The following ADGRB3 variants were observed in gnomAD, a reference collection of about 807,000 sequenced individuals.
ADGRB3 encodes brain-specific angiogenesis inhibitor 3.
Under a neutral mutation model 193.4 loss-of-function variants are expected in ADGRB3, and 37 were observed. The ratio of observed to expected loss-of-function variants is 0.19; its 90% CI spans 0.15 to 0.25. The LOEUF (loss-of-function observed/expected upper bound fraction) is 0.25, where lower values mean the gene tolerates loss of function less well. Ranked by LOEUF, ADGRB3 falls within the 10% of genes least tolerant of loss-of-function variation. The pLI is 1.00. For missense variants in ADGRB3, 1,637 were observed against 1,852.9 expected (o/e 0.88, Z 2.14); for synonymous variants, 690 against 644.2 (o/e 1.07, Z -1.08).
chr6:68,731,425 A>G (rs943596156), intron 3 of ADGRB3, among the ~76,000 whole-genome samples: 1 of 151,814 alleles, frequency 6.6e-6, no homozygotes, highest in African/African-American at 2.4e-5. Context: ...CAAAATGAGT[A>G]CATAAAAAGT....
intron 20 of ADGRB3, among the ~76,000 whole-genome samples, chr6:69,239,491 A>G (rs376455738): frequency 3.3e-5 from 5 of 152,028 alleles, no homozygotes; most frequent in African/African-American, 1.2e-4. Context: ...AAGCTCTATG[A>G]GTTCAAAGCT....
intron 3 of ADGRB3, among the ~76,000 whole-genome samples, chr6:68,688,735 G>T (rs1398425554): frequency 1.3e-5 from 2 of 152,116 alleles, no homozygotes; most frequent in Non-Finnish European, 2.9e-5. Flanking sequence ...GCAAGGGAAA[G>T]GTCCTGAAGC....
Position 68,689,727 on chromosome 6 carries a change from G to A in ADGRB3, c.757+50295G>A, listed in dbSNP as rs577205065. On this transcript the variant is annotated intron_variant, in intron 3 of 31. Transcript: ENST00000370598. ...GAAAAAAAAACAACTTTTAAAAGCC[G>A]ATAAGGAGCTGTTAATTTATGTAGT... is the stretch of plus-strand genomic sequence containing the variant. Among the ~76,000 whole-genome samples, 33 of 151,804 alleles carry A rather than the reference G, an allele frequency of 2.2e-4. 1 individual carries two copies. The highest frequency in any genetic ancestry group is 5.3e-4 in the Admixed American group (8 of 15,218).
At chr6:69,292,516 T>C (rs893689334) in intron 20 of ADGRB3, among the ~76,000 whole-genome samples, 7 of 152,180 alleles carry the variant, frequency 4.6e-5, no homozygotes, top group Admixed American at 2.6e-4. Flanking sequence ...TTGTTTTATA[T>C]GGCATTCCTT....
At chr6:69,282,564 A>T (rs1021050382) in intron 20 of ADGRB3, among the ~76,000 whole-genome samples, 3 of 152,196 alleles carry the variant, frequency 2.0e-5, no homozygotes, top group African/African-American at 7.2e-5. Context: ...CTTATGTCAA[A>T]GTTATAAGGA....
At chr6:68,839,975 A>G (rs535017790) in intron 3 of ADGRB3, among the ~76,000 whole-genome samples, 3 of 152,124 alleles carry the variant, frequency 2.0e-5, no homozygotes, top group East Asian at 3.9e-4. Flanking sequence ...GCAACACCAG[A>G]CAGAAATTGG....
intron 20 of ADGRB3, among the ~76,000 whole-genome samples, chr6:69,243,480 T>C (rs1166353833): frequency 2.0e-5 from 3 of 151,790 alleles, no homozygotes; most frequent in Non-Finnish European, 4.4e-5. Context: ...AGAATGATTA[T>C]GGATAAAACC....
chr6:69,025,122 A>G (rs1187513012), intron 13 of ADGRB3, among the ~76,000 whole-genome samples: 4 of 151,946 alleles, frequency 2.6e-5, no homozygotes, highest in Middle Eastern at 3.4e-3. Flanking sequence ...AAAAATAATA[A>G]AATAAAATAA....
intron 13 of ADGRB3, among the ~76,000 whole-genome samples, chr6:69,047,062 T>C (rs1254141992): frequency 6.6e-6 from 1 of 152,150 alleles, no homozygotes; most frequent in Non-Finnish European, 1.5e-5. Flanking sequence ...GGTTTCACCA[T>C]GTTAGCCAGG....
intron 15 of ADGRB3, among the ~76,000 whole-genome samples, chr6:69,059,175 C>T (rs1164666839): frequency 3.3e-5 from 5 of 152,060 alleles, no homozygotes; most frequent in Admixed American, 1.3e-4. Flanking sequence ...TGTTATACCT[C>T]CCCAGAGAAT....
At chr6:69,300,692 G>A (rs148743263) in intron 20 of ADGRB3, among the ~76,000 whole-genome samples, 815 of 151,748 alleles carry the variant, frequency 5.4e-3, no homozygotes, top group Non-Finnish European at 7.8e-3. Context: ...TGAAAAAGAA[G>A]CTGAGAATGT....
At chr6:69,349,337 A>G (rs1192495736) in intron 26 of ADGRB3, among the ~76,000 whole-genome samples, 1 of 152,218 alleles carries the variant, frequency 6.6e-6, no homozygotes, top group Admixed American at 6.5e-5. Flanking sequence ...AGGTATAACA[A>G]TTTTAGAGAT....
At chr6:68,671,393 G>A (rs564963589) in intron 3 of ADGRB3, among the ~76,000 whole-genome samples, 2 of 152,092 alleles carry the variant, frequency 1.3e-5, no homozygotes, top group East Asian at 3.9e-4. Flanking sequence ...CTGTGGGTCT[G>A]TCATATATCA....
At chr6:68,820,976 C>T (rs1767738487) in intron 3 of ADGRB3, among the ~76,000 whole-genome samples, 1 of 152,006 alleles carries the variant, frequency 6.6e-6, no homozygotes, top group Admixed American at 6.6e-5. Flanking sequence ...CCGTCCTTGA[C>T]AGGTCTGGTC....
At chr6:69,100,666 G>T (rs1022935051) in intron 17 of ADGRB3, among the ~76,000 whole-genome samples, 9 of 151,844 alleles carry the variant, frequency 5.9e-5, no homozygotes, top group African/African-American at 1.7e-4. Context: ...CCAATTGCTA[G>T]AAGTTTTTCA....
intron 3 of ADGRB3, among the ~76,000 whole-genome samples, chr6:68,785,203 C>T (rs535688607): frequency 2.6e-5 from 4 of 151,932 alleles, no homozygotes; most frequent in South Asian, 4.2e-4. Flanking sequence ...ATGTGCACAA[C>T]GTGCAGGTTT....
At chr6:68,702,543 T>G (rs1207735488) in intron 3 of ADGRB3, among the ~76,000 whole-genome samples, 1 of 152,172 alleles carries the variant, frequency 6.6e-6, no homozygotes. Flanking sequence ...TCTTATTGAC[T>G]TAAGTGTCAG....
intron 20 of ADGRB3, among the ~76,000 whole-genome samples, chr6:69,298,008 G>A (rs1561980668): frequency 6.6e-6 from 1 of 151,982 alleles, no homozygotes; most frequent in Non-Finnish European, 1.5e-5. Context: ...TTATTCTTGA[G>A]TTATTATTAG....
intron 17 of ADGRB3, among the ~76,000 whole-genome samples, chr6:69,091,565 C>G (rs1374175891): frequency 6.6e-6 from 1 of 152,162 alleles, no homozygotes; most frequent in Non-Finnish European, 1.5e-5. Flanking sequence ...CACAGGTTCT[C>G]ACTTCTAAGT....
Sources: gnomAD v4.1 joint callset for allele counts (sites outside exome capture counted in the v4.1 genomes callset) on GRCh38, gnomAD v4.1.1 for gene constraint, MANE v1.5 for transcripts, NCBI Gene and HGNC (gene_info 2026-07-23, HGNC 2026-07-21) for gene names.